LNX2: variants seen among roughly 807,000 people sequenced by gnomAD.
The protein encoded by LNX2 is ligand of Numb protein X 2.
Under a neutral mutation model 66.2 loss-of-function variants are expected in LNX2, and 35 were observed. That is an observed-to-expected ratio of 0.53 (90% CI 0.40 to 0.70). The LOEUF is 0.70. LNX2 is among the 30% of genes least tolerant of loss of function. The pLI is 0.00. For synonymous variants in LNX2, 337 were observed against 315.6 expected (o/e 1.07, Z -0.72); for missense variants, 791 against 850.8 (o/e 0.93, Z 0.87).
At chr13:27,559,716 ATCTT>A in intron 6 of LNX2, 122 bp downstream of exon 6, 1 of 887,644 alleles carries the variant, frequency 1.1e-6, no homozygotes, top group Middle Eastern at 2.4e-4. Flanking sequence ...CCTCATTTGA[ATCTT>A]TTTTTTAAAA....
chr13:27,613,802 G>A (rs76173818), intron 1 of LNX2, among the ~76,000 whole-genome samples: 87 of 152,158 alleles, frequency 5.7e-4, no homozygotes, highest in African/African-American at 2.0e-3. Context: ...AAATACAGGC[G>A]AAGCAAAGGT....
At chr13:27,615,724 T>C (rs1955819049) in intron 1 of LNX2, among the ~76,000 whole-genome samples, 1 of 152,200 alleles carries the variant, frequency 6.6e-6, no homozygotes, top group Non-Finnish European at 1.5e-5. Context: ...AGACCATATA[T>C]ATATTTCACA....
At chr13:27,568,237 A>G (rs1955230305) in intron 3 of LNX2, among the ~76,000 whole-genome samples, 1 of 152,246 alleles carries the variant, frequency 6.6e-6, no homozygotes, top group Admixed American at 6.5e-5. Flanking sequence ...TTGAGAGAGT[A>G]GCCACATCAA....
At chr13:27,582,679 G>C (rs112716114) in intron 1 of LNX2, among the ~76,000 whole-genome samples, 3,393 of 152,156 alleles carry the variant, frequency 0.022, 137 homozygotes, top group African/African-American at 0.077. Context: ...CTCATAAGTG[G>C]GAGTTGAACA....
chr13:27,597,107 A>C (rs1015191999), intron 1 of LNX2, among the ~76,000 whole-genome samples: 3 of 152,032 alleles, frequency 2.0e-5, no homozygotes, highest in African/African-American at 7.3e-5. Context: ...AGAAATCAAA[A>C]CCTCTAAGGC....
At chr13:27,577,157 A>C (rs1955348730) in intron 2 of LNX2, among the ~76,000 whole-genome samples, 1 of 152,208 alleles carries the variant, frequency 6.6e-6, no homozygotes, top group Non-Finnish European at 1.5e-5. Context: ...CTTACTGGCC[A>C]CTTGAGTATC....
rs1236237612 is a variant in LNX2 at position 27,583,238 on chromosome 13, G to C, written c.-100-1435C>G. Among the ~76,000 whole-genome samples, 31 of 21,600 alleles carry C rather than the reference G, an allele frequency of 1.4e-3. 2 individuals carry two copies. The highest frequency in any genetic ancestry group is 2.1e-3 in the Non-Finnish European group (25 of 12,112). The allele number at this position is 21,600 out of a possible 152,430, so 14.2% of individuals were successfully genotyped here. On this transcript the variant is annotated intron_variant, in intron 1 of 9. Coordinates refer to ENST00000316334, the MANE Select transcript of LNX2 (RefSeq NM_153371.4). ...TGTGTGTGTGTGTGTGTGTGTGTGT[G>C]TGTGTGTGTGTGTGTGTGCGCGCGT...
chr13:27,554,554 G>A (rs1364288933), intron 7 of LNX2, among the ~76,000 whole-genome samples: 1 of 152,114 alleles, frequency 6.6e-6, no homozygotes, highest in Non-Finnish European at 1.5e-5. Flanking sequence ...CTTGTAATTT[G>A]TGCCAGTACT....
At chr13:27,594,725 T>G (rs1955578958) in intron 1 of LNX2, among the ~76,000 whole-genome samples, 1 of 152,096 alleles carries the variant, frequency 6.6e-6, no homozygotes, top group Non-Finnish European at 1.5e-5. Context: ...ATTCCCAGTA[T>G]CACATAATTA....
chr13:27,604,059 C>T (rs1169415867), intron 1 of LNX2, among the ~76,000 whole-genome samples: 1 of 151,954 alleles, frequency 6.6e-6, no homozygotes, highest in Non-Finnish European at 1.5e-5. Context: ...TCAAGACCAT[C>T]CTGCCTAACA....
intron 1 of LNX2, among the ~76,000 whole-genome samples, chr13:27,593,563 CT>C (rs35280780): frequency 0.012 from 1,364 of 115,538 alleles, 5 homozygotes; most frequent in African/African-American, 0.022. Context: ...CTGGCTGAAA[CT>C]TTTTTTTTTT....
At chr13:27,555,229 G>A (rs898087446) in intron 7 of LNX2, among the ~76,000 whole-genome samples, 26 of 152,172 alleles carry the variant, frequency 1.7e-4, no homozygotes, top group African/African-American at 2.7e-4. Context: ...GATTACAGGC[G>A]TGAGCCACCA....
At chr13:27,568,906 TTTTATTTCTG>T in intron 3 of LNX2, 113 bp downstream of exon 3, 1 of 1,061,798 alleles carries the variant, frequency 9.4e-7, no homozygotes, top group Non-Finnish European at 1.3e-6. Context: ...ATGAAGTTTC[TTTTATTTCTG>T]TTTATTTTTA....
At chr13:27,560,565 G>GTGTGTATGTGTATATACATATATATA (rs35007288) in intron 5 of LNX2, among the ~76,000 whole-genome samples, 1 of 119,970 alleles carries the variant, frequency 8.3e-6, no homozygotes, top group Non-Finnish European at 1.7e-5. Context: ...ATGTATGTGT[G>GTGTGTATGTGTATATACATATATATA]TATATATATA....
At chr13:27,567,154 T>A (rs1158828483) in intron 4 of LNX2, among the ~76,000 whole-genome samples, 1 of 152,154 alleles carries the variant, frequency 6.6e-6, no homozygotes, top group African/African-American at 2.4e-5. Flanking sequence ...ATTTCTGAAC[T>A]CTATCTTATA....
At chr13:27,570,210 C>T (rs1317579828) in intron 2 of LNX2, among the ~76,000 whole-genome samples, 2 of 152,144 alleles carry the variant, frequency 1.3e-5, no homozygotes, top group East Asian at 1.9e-4. Context: ...CTGAGGCCTA[C>T]CACGACTCTA....
chr13:27,584,362 G>A (rs1281520705), intron 1 of LNX2, among the ~76,000 whole-genome samples: 5 of 149,994 alleles, frequency 3.3e-5, no homozygotes, highest in African/African-American at 1.2e-4. Context: ...ACTAGCCTGG[G>A]CAATATGGTA....
In LNX2 at chr13:27,567,764, T is replaced by C. The variant is rs1955224571; in HGVS notation, c.731A>G (p.Gln244Arg). Residue 244 changes from glutamine (Q) to arginine (R), a missense_variant, in exon 4 of 10, where the codon CAG becomes CGG. Transcript: ENST00000316334. ...GCCACCCACAATGCTGATTCCTAAC[T>C]GAATGTAAGGATTGGACCGATGAAT... The part of the protein sequence containing the change: ...IEIHRSNPYI[Q>R]LGISIVGGNE... 10 of 1,613,702 alleles carry C rather than the reference T, an allele frequency of 6.2e-6. No individual in the cohort carries two copies. The East Asian group carries it at 2.2e-4, about 36-fold the overall frequency.
At chr13:27,607,847 C>T (rs962001065) in intron 1 of LNX2, among the ~76,000 whole-genome samples, 16 of 152,254 alleles carry the variant, frequency 1.1e-4, no homozygotes, top group African/African-American at 2.9e-4. Context: ...GTTAAATTTC[C>T]GTGGTGAAGA....
Sources: allele counts gnomAD v4.1 joint callset (sites outside exome capture counted in the v4.1 genomes callset), GRCh38; gene constraint gnomAD v4.1.1; transcripts MANE v1.5; gene names NCBI Gene and HGNC (gene_info 2026-07-23, HGNC 2026-07-21).